EFNA5: variants seen among roughly 807,000 people sequenced by gnomAD.
The protein encoded by EFNA5 is ephrin A5.
Under a neutral mutation model 22.9 loss-of-function variants are expected in EFNA5, and 5 were observed. The observed-to-expected ratio is 0.22, with a 90% CI of 0.11 to 0.46. EFNA5 has a LOEUF of 0.46. Ranked by LOEUF, EFNA5 falls within the 20% of genes least tolerant of loss-of-function variation. EFNA5 has a pLI of 0.99. For synonymous variants in EFNA5, 113 were observed against 112.2 expected, an observed-to-expected ratio of 1.01 and a Z score of -0.04; for missense variants, 237 against 293.3, an observed-to-expected ratio of 0.81 and a Z score of 1.40.
In EFNA5 at chr5:107,638,603, T is replaced by A. The variant is rs545001969; in HGVS notation, c.125+31886A>T. On this transcript the variant is annotated intron_variant, in intron 1 of 4. Coordinates refer to ENST00000333274, the MANE Select transcript of EFNA5 (RefSeq NM_001962.3). ...TATTTACATAGCATCTATGTTGTAT[T>A]AGGTATTATAAGTAACCTGGGGATG... is the stretch of plus-strand genomic sequence containing the variant. Among the ~76,000 whole-genome samples, 7 of 152,334 alleles carry A rather than the reference T, an allele frequency of 4.6e-5. No homozygotes were observed. In the South Asian group the frequency reaches 1.5e-3, roughly 32 times the overall value.
intron 1 of EFNA5, among the ~76,000 whole-genome samples, chr5:107,543,449 G>C (rs6883713): frequency 0.093 from 14,098 of 152,234 alleles, 821 homozygotes; most frequent in Non-Finnish European, 0.13. Context: ...GAAGGGGAAA[G>C]TTATCTTCCT....
intron 2 of EFNA5, among the ~76,000 whole-genome samples, chr5:107,397,085 AT>A (rs1168081880): frequency 0.039 from 5,607 of 142,474 alleles, 103 homozygotes; most frequent in Non-Finnish European, 0.045. Flanking sequence ...CCACTCTTTA[AT>A]TTTTTTTTTT....
At chr5:107,590,469 G>T (rs1317833876) in intron 1 of EFNA5, among the ~76,000 whole-genome samples, 1 of 151,770 alleles carries the variant, frequency 6.6e-6, no homozygotes, top group Non-Finnish European at 1.5e-5. Flanking sequence ...AGCTCACTCA[G>T]CCTCAACCTC....
intron 1 of EFNA5, among the ~76,000 whole-genome samples, chr5:107,652,741 T>C (rs1750756927): frequency 6.6e-6 from 1 of 152,180 alleles, no homozygotes; most frequent in Non-Finnish European, 1.5e-5. Context: ...AGTTAGTAAA[T>C]GTACGGGATG....
chr5:107,644,593 T>G (rs1223080993), intron 1 of EFNA5, among the ~76,000 whole-genome samples: 1 of 152,236 alleles, frequency 6.6e-6, no homozygotes. Context: ...AAAAAATCTT[T>G]GTTAATTACC....
chr5:107,613,959 C>T (rs192700524), intron 1 of EFNA5, among the ~76,000 whole-genome samples: 1 of 152,240 alleles, frequency 6.6e-6, no homozygotes, highest in East Asian at 1.9e-4. Flanking sequence ...ATTAAACTGA[C>T]ATGAAAATCA....
At chr5:107,567,880 T>TC (rs1183470471) in intron 1 of EFNA5, among the ~76,000 whole-genome samples, 2 of 152,220 alleles carry the variant, frequency 1.3e-5, no homozygotes, top group Non-Finnish European at 2.9e-5. Context: ...ATTCAAGTTC[T>TC]TTTTTGTTAT....
At chr5:107,534,107 G>A (rs1032349921) in intron 1 of EFNA5, among the ~76,000 whole-genome samples, 1 of 152,174 alleles carries the variant, frequency 6.6e-6, no homozygotes, top group African/African-American at 2.4e-5. Context: ...GTGTGTCTGA[G>A]CTTGAATTCT....
chr5:107,476,115 G>C (rs186333759), intron 1 of EFNA5, among the ~76,000 whole-genome samples: 1 of 115,270 alleles, frequency 8.7e-6, no homozygotes, highest in South Asian at 2.8e-4. Context: ...GTAATGGCGC[G>C]ATCTCGGCTC....
intron 1 of EFNA5, among the ~76,000 whole-genome samples, chr5:107,429,472 C>G (rs1262856010): frequency 6.6e-6 from 1 of 151,894 alleles, no homozygotes; most frequent in Non-Finnish European, 1.5e-5. Context: ...AGAAATAGAC[C>G]ACCTTCACTC....
intron 1 of EFNA5, among the ~76,000 whole-genome samples, chr5:107,611,214 C>A (rs1749814696): frequency 6.6e-6 from 1 of 151,960 alleles, no homozygotes; most frequent in African/African-American, 2.4e-5. Context: ...GACATAAAAA[C>A]CAAGCTGGAA....
intron 2 of EFNA5, among the ~76,000 whole-genome samples, chr5:107,411,256 C>T (rs548907906): frequency 1.3e-5 from 2 of 152,316 alleles, no homozygotes; most frequent in South Asian, 2.1e-4. Flanking sequence ...CAGTGAAATA[C>T]ACCCTGGTTT....
At chr5:107,447,143 G>A (rs531722385) in intron 1 of EFNA5, among the ~76,000 whole-genome samples, 2 of 152,258 alleles carry the variant, frequency 1.3e-5, no homozygotes, top group South Asian at 2.1e-4. Context: ...TATGAGAAAG[G>A]GGCCTCAGGA....
intron 2 of EFNA5, among the ~76,000 whole-genome samples, chr5:107,418,496 T>C (rs996059903): frequency 1.3e-5 from 2 of 152,220 alleles, no homozygotes; most frequent in African/African-American, 2.4e-5. Context: ...CATTTCACCA[T>C]TGAGTCTCAG....
rs140438541 is a variant in EFNA5, at chr5:107,521,724, A to G, written c.126-94215T>C. ...CAGCCTGGGAAAAGATCAAAACCCA[A>G]TATTCAAAGTATAGTTTTGACTGAA... On this transcript the variant is annotated intron_variant, in intron 1 of 4. Coordinates refer to ENST00000333274, the MANE Select transcript of EFNA5 (RefSeq NM_001962.3). Among the ~76,000 whole-genome samples the G allele has an allele frequency of 6.3e-3, 960 of 152,280 alleles. 14 individuals carry two copies. Among genetic ancestry groups the G allele is most frequent in the African/African-American group, 0.022 (902 of 41,558 alleles).
At chr5:107,499,872 T>C (rs1747090867) in intron 1 of EFNA5, among the ~76,000 whole-genome samples, 1 of 152,062 alleles carries the variant, frequency 6.6e-6, no homozygotes, top group African/African-American at 2.4e-5. Flanking sequence ...CCAAGGTAAA[T>C]AGGCCCATGG....
intron 1 of EFNA5, among the ~76,000 whole-genome samples, chr5:107,503,772 T>A (rs976818642): frequency 6.6e-6 from 1 of 152,224 alleles, no homozygotes; most frequent in Non-Finnish European, 1.5e-5. Context: ...CCATTAATAT[T>A]TTTTATTACT....
intron 1 of EFNA5, among the ~76,000 whole-genome samples, chr5:107,591,976 AAT>A (rs1749363086): frequency 4.8e-5 from 1 of 20,958 alleles, no homozygotes; most frequent in Non-Finnish European, 7.2e-5. Context: ...TAATATATAT[AAT>A]ATATAATATA....
chr5:107,421,466 T>A (rs1748663474), intron 2 of EFNA5, among the ~76,000 whole-genome samples: 1 of 152,178 alleles, frequency 6.6e-6, no homozygotes, highest in African/African-American at 2.4e-5. Flanking sequence ...TTCAGGACAT[T>A]TAAGGAGAAT....
Sources: allele counts gnomAD v4.1 joint callset (sites outside exome capture counted in the v4.1 genomes callset), GRCh38; gene constraint gnomAD v4.1.1; transcripts MANE v1.5; gene names NCBI Gene and HGNC (gene_info 2026-07-23, HGNC 2026-07-21).